ERO1A: variants seen among roughly 807,000 people sequenced by gnomAD.
ERO1A encodes the protein ERO1-like protein alpha.
ERO1A carries 49 observed loss-of-function variants against 76.9 expected under a neutral mutation model. The ratio of observed to expected loss-of-function variants is 0.64; its 90% CI spans 0.51 to 0.81. The LOEUF (loss-of-function observed/expected upper bound fraction) is 0.81. ERO1A is among the 30% of genes least tolerant of loss of function. ERO1A has a pLI of 0.00. For missense variants in ERO1A, 448 were observed against 542.1 expected (o/e 0.83, Z 1.72); for synonymous variants, 174 against 181.2 (o/e 0.96, Z 0.32).
chr14:52,673,092 A>AT (rs112622704), intron 4 of ERO1A, among the ~76,000 whole-genome samples: 159 of 147,282 alleles, frequency 1.1e-3, no homozygotes, highest in South Asian at 8.8e-3. Context: ...TGTTATAATG[A>AT]TTTTTTTTTT....
chr14:52,666,137 G>A (rs957442397), intron 7 of ERO1A, among the ~76,000 whole-genome samples: 3 of 152,140 alleles, frequency 2.0e-5, no homozygotes, highest in African/African-American at 7.2e-5. Flanking sequence ...TCGACTCAAG[G>A]AACATTTGTC....
At chr14:52,678,075 G>C (rs1594832146) in intron 4 of ERO1A, among the ~76,000 whole-genome samples, 1 of 151,940 alleles carries the variant, frequency 6.6e-6, no homozygotes, top group Non-Finnish European at 1.5e-5. Context: ...AGACCAGCCT[G>C]ACCAACATGG....
chr14:52,693,759 A>C (rs571714419), intron 1 of ERO1A, among the ~76,000 whole-genome samples: 2 of 152,218 alleles, frequency 1.3e-5, no homozygotes, highest in East Asian at 3.9e-4. Flanking sequence ...CAGCCTCCCA[A>C]AGTGCTGGGA....
At chr14:52,661,374 C>A in intron 8 of ERO1A, 70 bp from the exon 9 acceptor site, 4 of 1,272,032 alleles carry the variant, frequency 3.1e-6, no homozygotes, top group East Asian at 2.6e-5. Flanking sequence ...GCTACACTTT[C>A]ATAAAAATAA....
intron 15 of ERO1A, among the ~76,000 whole-genome samples, chr14:52,644,012 G>A (rs1295183312): frequency 6.6e-6 from 1 of 152,088 alleles, no homozygotes; most frequent in East Asian, 1.9e-4. Context: ...GGCTGTGTGT[G>A]CCATGTAGTC....
intron 6 of ERO1A, among the ~76,000 whole-genome samples, chr14:52,669,349 T>TA (rs1450559436): frequency 1.3e-5 from 2 of 151,846 alleles, no homozygotes; most frequent in East Asian, 1.9e-4. Flanking sequence ...AGTGGAGGAC[T>TA]AAAAAAAATT....
chr14:52,661,611 A>C (rs747656407), intron 8 of ERO1A, among the ~76,000 whole-genome samples: 3 of 152,184 alleles, frequency 2.0e-5, no homozygotes, highest in Non-Finnish European at 2.9e-5. Context: ...GTACTCTTCA[A>C]TATCTTAAGG....
intron 4 of ERO1A, among the ~76,000 whole-genome samples, chr14:52,674,399 A>G (rs1393546265): frequency 2.0e-5 from 3 of 152,068 alleles, no homozygotes; most frequent in Non-Finnish European, 4.4e-5. Context: ...GGGTCTCACA[A>G]TGTTGCCCAG....
chr14:52,657,120 C>T (rs868452374), intron 11 of ERO1A, among the ~76,000 whole-genome samples: 25 of 152,336 alleles, frequency 1.6e-4, no homozygotes, highest in Admixed American at 9.8e-4. Context: ...CCACCCCTTT[C>T]CATAGCAATG....
At chr14:52,683,682 A>G (rs557570790) in intron 2 of ERO1A, 106 bp downstream of exon 2, 100 of 511,610 alleles carry the variant, frequency 2.0e-4, no homozygotes, top group African/African-American at 1.7e-3. Context: ...AATAAAGCCT[A>G]TATCAATTTT....
At chr14:52,688,746 C>CT (rs2041259938) in intron 1 of ERO1A, among the ~76,000 whole-genome samples, 1 of 152,184 alleles carries the variant, frequency 6.6e-6, no homozygotes, top group Non-Finnish European at 1.5e-5. Context: ...TCTCTGTTGA[C>CT]TCTGTTTGAT....
At chr14:52,646,490 A>C (rs895368671) in intron 13 of ERO1A, 29 bp from the exon 14 acceptor site, 1 of 1,527,374 alleles carries the variant, frequency 6.5e-7, no homozygotes, top group Non-Finnish European at 9.0e-7. Context: ...GATTTTATTA[A>C]GATGTAATAT....
chr14:52,675,867 T>C (rs2040766589), intron 4 of ERO1A, among the ~76,000 whole-genome samples: 1 of 152,180 alleles, frequency 6.6e-6, no homozygotes, highest in Non-Finnish European at 1.5e-5. Flanking sequence ...GTATTTTTTG[T>C]AGACACGGGG....
intron 6 of ERO1A, among the ~76,000 whole-genome samples, chr14:52,670,131 G>A (rs377424886): frequency 6.6e-6 from 1 of 152,010 alleles, no homozygotes; most frequent in African/African-American, 2.4e-5. Flanking sequence ...CCCAGGCTAG[G>A]CTCAGCAATC....
In ERO1A at chr14:52,643,165, T is replaced by C. The variant is rs2039531519; in HGVS notation, c.*405A>G. On this transcript the variant is annotated 3_prime_UTR_variant, in exon 16 of 16. Coordinates refer to ENST00000395686, the MANE Select transcript of ERO1A (RefSeq NM_014584.3). ...GTACTGAAAAATTCTACGTTGGTAA[T>C]TATGGGTCATTTATGAGGCCTCCTT... The C allele has an allele frequency of 6.5e-6, 1 of 153,142 alleles. No homozygotes were observed. Among genetic ancestry groups the C allele is most frequent in the South Asian group, 2.1e-4 (1 of 4,836 alleles). 9.5% of individuals were successfully genotyped at this position (153,142 alleles called of 1,614,324 possible).
intron 1 of ERO1A, among the ~76,000 whole-genome samples, chr14:52,686,562 TA>T (rs1252994171): frequency 6.8e-6 from 1 of 147,616 alleles, no homozygotes; most frequent in Admixed American, 6.7e-5. Flanking sequence ...GAAGGCAGGA[TA>T]AATGGTAGAT....
At chr14:52,683,025 C>T (rs973604080) in intron 2 of ERO1A, among the ~76,000 whole-genome samples, 6 of 151,242 alleles carry the variant, frequency 4.0e-5, no homozygotes, top group African/African-American at 1.2e-4. Context: ...CTGGCCAGCA[C>T]GGCAAAACCC....
intron 15 of ERO1A, among the ~76,000 whole-genome samples, chr14:52,644,992 A>C (rs551907864): frequency 8.5e-5 from 13 of 152,192 alleles, no homozygotes; most frequent in Non-Finnish European, 1.6e-4. Context: ...TTCTTGCATG[A>C]TAGGCCAGAA....
At chr14:52,656,401 T>C (rs189377553) in intron 11 of ERO1A, among the ~76,000 whole-genome samples, 1 of 152,084 alleles carries the variant, frequency 6.6e-6, no homozygotes, top group Non-Finnish European at 1.5e-5. Flanking sequence ...AATTTGAAAA[T>C]GATGATCTAA....
Sources: allele counts gnomAD v4.1 joint callset (sites outside exome capture counted in the v4.1 genomes callset), GRCh38; gene constraint gnomAD v4.1.1; transcripts MANE v1.5; gene names NCBI Gene and HGNC (gene_info 2026-07-23, HGNC 2026-07-21).